Variants in ANKS1B observed in about 807,000 individuals in gnomAD.
ANKS1B encodes the protein ankyrin repeat and sterile alpha motif domain containing 1B.
In ANKS1B, 36 loss-of-function variants were observed where a neutral mutation model predicts 148.3. That is an observed-to-expected ratio of 0.24 (90% confidence interval 0.19 to 0.32). The LOEUF (loss-of-function observed/expected upper bound fraction) is 0.32, where lower values mean the gene tolerates loss of function less well. ANKS1B is among the 10% of genes least tolerant of loss of function. The probability of loss-of-function intolerance (pLI) is 1.00; values close to 1 mark genes in which losing one functional copy is unlikely to be tolerated. For synonymous variants in ANKS1B, 542 were observed against 560.8 expected (o/e 0.97, Z 0.47); for missense variants, 1,157 against 1,542.6 (o/e 0.75, Z 4.19).
intron 10 of ANKS1B, among the ~76,000 whole-genome samples, chr12:99,475,218 C>G (rs1423136440): frequency 1.3e-5 from 2 of 148,414 alleles, no homozygotes; most frequent in African/African-American, 5.0e-5. Flanking sequence ...GCACTCCAGC[C>G]TGGGTGACAG....
chr12:99,258,013 C>A (rs1054541424), intron 12 of ANKS1B, among the ~76,000 whole-genome samples: 1 of 152,284 alleles, frequency 6.6e-6, no homozygotes, highest in East Asian at 1.9e-4. Flanking sequence ...TGTTCTGCTG[C>A]AGAAAGATCT....
intron 12 of ANKS1B, among the ~76,000 whole-genome samples, chr12:99,296,082 T>C (rs902384346): frequency 6.6e-6 from 1 of 152,100 alleles, no homozygotes; most frequent in Non-Finnish European, 1.5e-5. Flanking sequence ...TTCCAGAAAA[T>C]TTGTGGAAAA....
chr12:99,447,647 A>G (rs1425451908), intron 10 of ANKS1B, among the ~76,000 whole-genome samples: 1 of 152,146 alleles, frequency 6.6e-6, no homozygotes, highest in Non-Finnish European at 1.5e-5. Context: ...AAAGGAACCA[A>G]TGAAGAGAGT....
At chr12:99,343,699 T>C (rs2090261410) in intron 12 of ANKS1B, 2 of 152,036 alleles carry the variant, frequency 1.3e-5, no homozygotes, top group African/African-American at 2.4e-5. Flanking sequence ...GCAATTCTTG[T>C]CTTCTCTTTT....
At chr12:99,051,588 G>C (rs188174679) in intron 17 of ANKS1B, among the ~76,000 whole-genome samples, 164 of 152,210 alleles carry the variant, frequency 1.1e-3, no homozygotes, top group Non-Finnish European at 1.4e-3. Flanking sequence ...AGCCTGCTGC[G>C]ACCAAAAAGC....
intron 17 of ANKS1B, among the ~76,000 whole-genome samples, chr12:99,038,828 C>T (rs1258683724): frequency 1.3e-5 from 2 of 152,224 alleles, no homozygotes; most frequent in Non-Finnish European, 2.9e-5. Context: ...AGATCTCTGC[C>T]TAAATGAAAC....
intron 11 of ANKS1B, among the ~76,000 whole-genome samples, chr12:99,427,447 G>A (rs2095280339): frequency 6.6e-6 from 1 of 152,074 alleles, no homozygotes; most frequent in Non-Finnish European, 1.5e-5. Context: ...CTCTTTTCAT[G>A]GCTAACTGTT....
chr12:98,842,908 T>C (rs1410045112), intron 17 of ANKS1B, among the ~76,000 whole-genome samples: 1 of 152,202 alleles, frequency 6.6e-6, no homozygotes. Context: ...TGTATGTATA[T>C]TTTTGAGGGT....
intron 24 of ANKS1B, among the ~76,000 whole-genome samples, chr12:98,777,035 C>A (rs1395638476): frequency 1.3e-5 from 2 of 152,118 alleles, no homozygotes; most frequent in African/African-American, 4.8e-5. Flanking sequence ...TCCAAAAAAA[C>A]TTAAATAATT....
intron 25 of ANKS1B, among the ~76,000 whole-genome samples, chr12:98,762,483 G>A (rs982053871): frequency 2.0e-5 from 3 of 152,234 alleles, no homozygotes; most frequent in African/African-American, 7.2e-5. Context: ...CCAACGGGCT[G>A]CCCTTCATCT....
intron 17 of ANKS1B, chr12:98,895,032 C>A: frequency 1.1e-6 from 1 of 883,774 alleles, no homozygotes; most frequent in African/African-American, 1.8e-5. Context: ...AACGCCGTCT[C>A]CAGGGCTGCT....
chr12:99,496,835 A>G (rs1014790164), intron 10 of ANKS1B, among the ~76,000 whole-genome samples: 1 of 152,154 alleles, frequency 6.6e-6, no homozygotes, highest in African/African-American at 2.4e-5. Flanking sequence ...GCAAATGCAT[A>G]CTTATACCAT....
In ANKS1B at chr12:99,786,273, G is replaced by A. The variant is rs188393813; in HGVS notation, c.670-4176C>T. 4.5e-4 allele frequency among the ~76,000 whole-genome samples: 69 copies of A among 152,242 alleles called. No homozygotes were observed. In the East Asian group the frequency reaches 0.012, roughly 26 times the overall value. ...ATTCCCCACAGCCTTAGGGAAAGGC[G>A]AGGACAGAAAGTATGAACCCCAGGG... On this transcript the variant is annotated intron_variant, in intron 4 of 26. Coordinates refer to ENST00000683438, the MANE Select transcript of ANKS1B (RefSeq NM_001352186.2).
chr12:99,143,281 T>C (rs1410619365), intron 15 of ANKS1B, among the ~76,000 whole-genome samples: 23 of 152,150 alleles, frequency 1.5e-4, no homozygotes, highest in Admixed American at 1.5e-3. Context: ...CAGAGGCCTA[T>C]ATTAATTATC....
intron 15 of ANKS1B, among the ~76,000 whole-genome samples, chr12:99,132,958 G>C (rs1350563711): frequency 1.3e-5 from 2 of 150,594 alleles, no homozygotes; most frequent in Non-Finnish European, 3.0e-5. Flanking sequence ...ACTGTGCCTT[G>C]TCATATATTT....
chr12:99,768,456 A>T (rs926856097), intron 8 of ANKS1B, among the ~76,000 whole-genome samples: 2 of 152,062 alleles, frequency 1.3e-5, no homozygotes, highest in African/African-American at 4.8e-5. Flanking sequence ...CTAAACCCCA[A>T]TGTGATGGTA....
intron 9 of ANKS1B, among the ~76,000 whole-genome samples, chr12:99,597,768 A>T (rs1431951529): frequency 6.6e-6 from 1 of 152,022 alleles, no homozygotes; most frequent in African/African-American, 2.4e-5. Context: ...AAAAACATCG[A>T]ATGGCGCCTA....
intron 10 of ANKS1B, among the ~76,000 whole-genome samples, chr12:99,489,179 T>C (rs1363616107): frequency 7.1e-6 from 1 of 139,876 alleles, no homozygotes; most frequent in Admixed American, 7.7e-5. Context: ...GAGGCGGAGG[T>C]GGCAGTGAGC....
At chr12:99,100,010 C>G (rs991933513) in intron 15 of ANKS1B, 7 of 152,184 alleles carry the variant, frequency 4.6e-5, no homozygotes, top group Admixed American at 2.6e-4. Context: ...TGCTTCACTT[C>G]ACAGGTATAT....
Sources: gnomAD v4.1 joint callset for allele counts (sites outside exome capture counted in the v4.1 genomes callset) on GRCh38, gnomAD v4.1.1 for gene constraint, MANE v1.5 for transcripts, NCBI Gene and HGNC (gene_info 2026-07-23, HGNC 2026-07-21) for gene names.